Variants in NINL observed in about 807,000 individuals in gnomAD.
NINL encodes the protein ninein like, also known as ninein-like protein.
Under a neutral mutation model 160.3 loss-of-function variants are expected in NINL, and 153 were observed. The observed-to-expected ratio is 0.95, with a 90% CI of 0.84 to 1.09. The LOEUF is 1.09. Ranked by LOEUF, NINL falls within the 50% of genes least tolerant of loss-of-function variation. The probability of loss-of-function intolerance (pLI) is 0.00; values close to 1 mark genes in which losing one functional copy is unlikely to be tolerated. For synonymous variants in NINL, 800 were observed against 734.8 expected, an observed-to-expected ratio of 1.09 and a Z score of -1.43; for missense variants, 1,829 against 1,764.0, an observed-to-expected ratio of 1.04 and a Z score of -0.66.
intron 1 of NINL, among the ~76,000 whole-genome samples, chr20:25,561,171 C>T (rs909941607): frequency 3.9e-5 from 6 of 152,150 alleles, no homozygotes; most frequent in South Asian, 2.1e-4. Flanking sequence ...CGAGTGCCTG[C>T]GATTGCAGGC....
At chr20:25,506,396 C>CA (rs2063962524) in intron 5 of NINL, among the ~76,000 whole-genome samples, 1 of 152,258 alleles carries the variant, frequency 6.6e-6, no homozygotes. Flanking sequence ...ACCTGCTGCT[C>CA]AGACTGCACT....
chr20:25,465,742 A>G (rs1425209589), intron 19 of NINL, among the ~76,000 whole-genome samples: 1 of 152,216 alleles, frequency 6.6e-6, no homozygotes, highest in East Asian at 1.9e-4. Context: ...TATGCCAGCA[A>G]GTTGATCTGA....
intron 1 of NINL, among the ~76,000 whole-genome samples, chr20:25,529,694 G>A (rs2064422516): frequency 6.6e-6 from 1 of 152,132 alleles, no homozygotes; most frequent in Non-Finnish European, 1.5e-5. Flanking sequence ...GAAAGAACTA[G>A]CTGGGCGTGG....
Position 25,517,867 on chromosome 20 carries a change from G to C in NINL, c.181-18C>G. The C allele has an allele frequency of 6.5e-7, 1 of 1,534,092 alleles. No homozygotes were observed. ...AAGTTAACCTGGGTGAATTGAAGGT[G>C]AGAGAGGACAATGTCACTTTCAACA... On this transcript the variant is annotated intron_variant, in intron 2 of 23. Coordinates refer to ENST00000278886, the MANE Select transcript of NINL (RefSeq NM_025176.6).
At chr20:25,505,467 C>T (rs925200527) in intron 5 of NINL, among the ~76,000 whole-genome samples, 2 of 152,180 alleles carry the variant, frequency 1.3e-5, no homozygotes, top group African/African-American at 2.4e-5. Flanking sequence ...CAAGTGTTCT[C>T]AGCACACACA....
chr20:25,560,029 TTCAAGCGATCTTCC>T (rs980910773), intron 1 of NINL, among the ~76,000 whole-genome samples: 2 of 152,108 alleles, frequency 1.3e-5, no homozygotes, highest in African/African-American at 4.8e-5. Flanking sequence ...ACCTCCTGGG[TTCAAGCGATCTTCC>T]TCAAGCGATC....
chr20:25,458,445 C>T lies in NINL; in HGVS notation c.3781G>A (p.Glu1261Lys), dbSNP rs115453505. ...TGAAGGCTGAGCAGGCGATGCAGCT[C>T]GGCCACACGGTCCTGGGGCACCAGC... is the stretch of plus-strand genomic sequence containing the variant. Reference protein sequence around the residue: ...VRLVPQDRVAELHRLLSLQGE... With the variant: ...VRLVPQDRVAKLHRLLSLQGE... Residue 1261 changes from glutamate to lysine, a missense_variant, in exon 22 of 24, where the codon GAG becomes AAG. Coordinates refer to ENST00000278886, the MANE Select transcript of NINL (RefSeq NM_025176.6). 1,026 of 1,605,548 alleles carry T rather than the reference C, an allele frequency of 6.4e-4. 9 individuals carry two copies. The African/African-American group carries it at 9.7e-3, about 15-fold the overall frequency.
At chr20:25,575,523 T>A (rs1600371110) in intron 1 of NINL, among the ~76,000 whole-genome samples, 2 of 140,126 alleles carry the variant, frequency 1.4e-5, no homozygotes, top group Non-Finnish European at 3.1e-5. Context: ...GAGGGCAAGG[T>A]GGATGGATCA....
intron 2 of NINL, among the ~76,000 whole-genome samples, chr20:25,525,373 T>A (rs1468555243): frequency 6.6e-6 from 1 of 152,210 alleles, no homozygotes; most frequent in Non-Finnish European, 1.5e-5. Flanking sequence ...AAATACTGGC[T>A]GGGTGCAGTG....
Position 25,453,363 on chromosome 20 carries a change from A to C in NINL, c.*88T>G. 1 of 1,203,550 alleles carries C rather than the reference A, an allele frequency of 8.3e-7. No individual in the cohort carries two copies. 74.6% of individuals were successfully genotyped at this position (1,203,550 alleles called of 1,614,324 possible). A position where few individuals can be genotyped will look rare whatever the true frequency, so the allele number is the denominator to read the frequency against. On this transcript the variant is annotated 3_prime_UTR_variant, in exon 24 of 24. Coordinates refer to ENST00000278886, the MANE Select transcript of NINL (RefSeq NM_025176.6). ...CCAATCCTCAGATGTCCCAGGACTC[A>C]TGGCTCATGACCCACGGAATCTAAG...
chr20:25,572,328 C>G (rs1321536394), intron 1 of NINL, among the ~76,000 whole-genome samples: 1 of 152,006 alleles, frequency 6.6e-6, no homozygotes. Flanking sequence ...CACTCCCTCC[C>G]TGGGAGTGCA....
At chr20:25,577,388 G>T (rs1428615857) in intron 1 of NINL, among the ~76,000 whole-genome samples, 1 of 152,146 alleles carries the variant, frequency 6.6e-6, no homozygotes, top group Non-Finnish European at 1.5e-5. Flanking sequence ...AGCATGGCTG[G>T]AAGTCCCAAG....
At chr20:25,577,780 T>G (rs2065132601) in intron 1 of NINL, among the ~76,000 whole-genome samples, 1 of 152,128 alleles carries the variant, frequency 6.6e-6, no homozygotes, top group Admixed American at 6.5e-5. Context: ...CGGGGCTTAC[T>G]ACTGTCCTAG....
intron 2 of NINL, among the ~76,000 whole-genome samples, chr20:25,525,105 G>A (rs1249441933): frequency 1.3e-5 from 2 of 152,058 alleles, no homozygotes; most frequent in African/African-American, 4.8e-5. Flanking sequence ...GCCTTCTTAA[G>A]CGCATTGAAA....
intron 3 of NINL, among the ~76,000 whole-genome samples, chr20:25,514,015 A>C (rs1313604727): frequency 1.3e-5 from 2 of 152,260 alleles, no homozygotes; most frequent in African/African-American, 4.8e-5. Flanking sequence ...GAAAATGTGG[A>C]AACAGCTTTG....
At chr20:25,543,891 T>C (rs1056526767) in intron 1 of NINL, among the ~76,000 whole-genome samples, 1 of 146,390 alleles carries the variant, frequency 6.8e-6, no homozygotes, top group African/African-American at 2.7e-5. Context: ...AGATTCTACA[T>C]GCAGGCCCTT....
rs41308056 is a variant in NINL, at chr20:25,489,161, C to G, written c.1677+83G>C. 5.2e-3 allele frequency: 6,722 copies of G among 1,291,792 alleles called. 30 individuals are homozygous for G. Among genetic ancestry groups the G allele is most frequent in the Middle Eastern group, 0.023 (124 of 5,456 alleles). The allele number at this position is 1,291,792 out of a possible 1,614,324, so 80.0% of individuals were successfully genotyped here. On this transcript the variant is annotated intron_variant, in intron 13 of 23. Coordinates refer to ENST00000278886, the MANE Select transcript of NINL (RefSeq NM_025176.6). ...GCAGAGGCTCTCCCTGGAGCAGACA[C>G]TCCTGCGTTACTGTGGACCACCTGC...
chr20:25,492,894 G>A (rs1351443413), intron 10 of NINL, among the ~76,000 whole-genome samples: 2 of 152,126 alleles, frequency 1.3e-5, no homozygotes, highest in African/African-American at 4.8e-5. Context: ...CAATAAACAT[G>A]TATCACTCAT....
At position 25,462,745 on chromosome 20, in the gene NINL, C is replaced by T. The variant is rs185255833; in HGVS notation, c.3424-204G>A. On this transcript the variant is annotated intron_variant, in intron 19 of 23. Coordinates refer to ENST00000278886, the MANE Select transcript of NINL (RefSeq NM_025176.6). The stretch of plus-strand genomic sequence containing the variant: ...TCATGGTTCACTGCAGCCGTGACCT[C>T]CTAGGCTCAGGCGATCCTCCCACCT... 50 of 470,866 alleles carry T rather than the reference C, an allele frequency of 1.1e-4. No homozygotes were observed. In the Middle Eastern group the frequency reaches 4.6e-3, roughly 43 times the overall value. The allele number at this position is 470,866 out of a possible 1,614,324, so 29.2% of individuals were successfully genotyped here. A position where few individuals can be genotyped will look rare whatever the true frequency, so the allele number is the denominator to read the frequency against.
Sources: allele counts gnomAD v4.1 joint callset (sites outside exome capture counted in the v4.1 genomes callset), GRCh38; gene constraint gnomAD v4.1.1; transcripts MANE v1.5; gene names NCBI Gene and HGNC (gene_info 2026-07-23, HGNC 2026-07-21).